The following CNTNAP5 variants were observed in gnomAD, a reference collection of about 807,000 sequenced individuals.
CNTNAP5 encodes the protein contactin-associated protein-like 5.
In CNTNAP5, 72 loss-of-function variants were observed where a neutral mutation model predicts 150.2. That is an observed-to-expected ratio of 0.48 (90% CI 0.40 to 0.58). CNTNAP5 has a LOEUF of 0.58. Among genes scored for constraint, CNTNAP5 ranks in the 20% least tolerant of loss-of-function variants. The probability of loss-of-function intolerance (pLI) is 0.00; values close to 1 mark genes in which losing one functional copy is unlikely to be tolerated. For synonymous variants in CNTNAP5, 672 were observed against 619.8 expected (o/e 1.08, Z -1.25); for missense variants, 1,636 against 1,626.2 (o/e 1.01, Z -0.10).
intron 3 of CNTNAP5, among the ~76,000 whole-genome samples, chr2:124,298,914 T>C (rs904800314): frequency 6.6e-6 from 1 of 152,192 alleles, no homozygotes; most frequent in African/African-American, 2.4e-5. Context: ...GACTGCTGAC[T>C]GTTCAGCCAT....
intron 1 of CNTNAP5, among the ~76,000 whole-genome samples, chr2:124,045,672 T>A (rs1347896852): frequency 6.6e-6 from 1 of 152,218 alleles, no homozygotes; most frequent in Non-Finnish European, 1.5e-5. Context: ...CCCTCCGATT[T>A]TAAAAATGCA....
rs892464506 is a variant in CNTNAP5 at position 124,445,379 on chromosome 2, T to A, written c.734-1374T>A. 3.3e-5 allele frequency among the ~76,000 whole-genome samples: 5 copies of A among 152,114 alleles called. No individual in the cohort carries two copies. In the South Asian group the frequency reaches 1.0e-3, roughly 32 times the overall value. On this transcript the variant is annotated intron_variant, in intron 5 of 23. Coordinates refer to ENST00000682447, the MANE Select transcript of CNTNAP5 (RefSeq NM_001367498.1). ...TCCCAAAGTGGTGGGATTACAGGCG[T>A]GAGCCACTGTACCCGGCTCATAATA...
intron 19 of CNTNAP5, among the ~76,000 whole-genome samples, chr2:124,854,950 T>A (rs887052792): frequency 1.3e-5 from 2 of 152,100 alleles, no homozygotes; most frequent in Admixed American, 1.3e-4. Flanking sequence ...GGCAAGTAGG[T>A]GTTTTCAGCT....
chr2:124,275,559 GC>G (rs150472022), intron 3 of CNTNAP5, among the ~76,000 whole-genome samples: 2,099 of 152,130 alleles, frequency 0.014, 37 homozygotes, highest in African/African-American at 0.042. Context: ...CCATCTTCTG[GC>G]TGTTGATGCC....
intron 3 of CNTNAP5, among the ~76,000 whole-genome samples, chr2:124,367,373 A>T (rs1690402628): frequency 6.6e-6 from 1 of 152,132 alleles, no homozygotes; most frequent in Admixed American, 6.5e-5. Flanking sequence ...GGAAGCAAAC[A>T]TTTCCTTCTT....
intron 19 of CNTNAP5, among the ~76,000 whole-genome samples, chr2:124,807,686 G>A (rs570842692): frequency 7.9e-5 from 12 of 152,084 alleles, no homozygotes; most frequent in East Asian, 7.7e-4. Flanking sequence ...GTTCTCTGAC[G>A]TTTCATGGTA....
intron 12 of CNTNAP5, among the ~76,000 whole-genome samples, chr2:124,636,640 C>CTGTGTG (rs374829931): frequency 2.0e-4 from 30 of 151,228 alleles, no homozygotes; most frequent in African/African-American, 7.1e-4. Flanking sequence ...CTCCTTAACT[C>CTGTGTG]TGTGTGTGTG....
Position 124,220,486 on chromosome 2 carries a change from G to A in CNTNAP5, c.83-1219G>A, listed in dbSNP as rs116085017. Among the ~76,000 whole-genome samples, 659 of 152,168 alleles carry A rather than the reference G, an allele frequency of 4.3e-3. 4 individuals carry two copies. The highest frequency in any genetic ancestry group is 0.015 in the African/African-American group (643 of 41,540). ...ATTCTCTGCTAGGGTCCCACAAAAT[G>A]TGTGTCACCCAATGGAAAATACAAA... On this transcript the variant is annotated intron_variant, in intron 1 of 23. Coordinates refer to ENST00000682447, the MANE Select transcript of CNTNAP5 (RefSeq NM_001367498.1).
rs78726637 is a variant in CNTNAP5 at position 124,522,816 on chromosome 2, G to A, written c.1328-1487G>A. 4.2e-3 allele frequency among the ~76,000 whole-genome samples: 642 copies of A among 152,182 alleles called. 5 individuals are homozygous for A. Among genetic ancestry groups the A allele is most frequent in the African/African-American group, 0.015 (618 of 41,500 alleles). ...AGGCTCTCTGTCTCCTGGAACCCTTGCTCCAAGAATTACAAACTCTTGCTC... is the reference window on the plus strand; with the variant it reads ...AGGCTCTCTGTCTCCTGGAACCCTTACTCCAAGAATTACAAACTCTTGCTC... On this transcript the variant is annotated intron_variant, in intron 8 of 23. Coordinates refer to ENST00000682447, the MANE Select transcript of CNTNAP5 (RefSeq NM_001367498.1).
chr2:124,572,311 G>A (rs1045410920), intron 11 of CNTNAP5, among the ~76,000 whole-genome samples: 2 of 152,074 alleles, frequency 1.3e-5, no homozygotes, highest in African/African-American at 4.8e-5. Flanking sequence ...GTCTACCTGA[G>A]GGTGGTGGGG....
chr2:124,506,869 A>G (rs907709748), intron 8 of CNTNAP5, among the ~76,000 whole-genome samples: 8 of 152,200 alleles, frequency 5.3e-5, no homozygotes, highest in Admixed American at 3.3e-4. Flanking sequence ...GCAAGGTTCA[A>G]TGGAGGAAGA....
rs182247889 is a variant in CNTNAP5 at position 124,512,122 on chromosome 2, T to G, written c.1327+7566T>G. On this transcript the variant is annotated intron_variant, in intron 8 of 23. Coordinates refer to ENST00000682447, the MANE Select transcript of CNTNAP5 (RefSeq NM_001367498.1). Reference sequence around the variant, plus strand: ...GAGACACAGCAAGGGTCTTTGGCTGTGGGACCGGCTTTCTTATAGCTAACG... The same window carrying G: ...GAGACACAGCAAGGGTCTTTGGCTGGGGGACCGGCTTTCTTATAGCTAACG... Among the ~76,000 whole-genome samples the G allele has an allele frequency of 4.5e-3, 681 of 151,948 alleles. 7 individuals carry two copies. Among genetic ancestry groups the G allele is most frequent in the African/African-American group, 0.016 (644 of 41,462 alleles).
intron 1 of CNTNAP5, among the ~76,000 whole-genome samples, chr2:124,217,660 T>C: frequency 6.6e-6 from 1 of 152,322 alleles, no homozygotes; most frequent in East Asian, 1.9e-4. Context: ...ATGAGCTATT[T>C]ATGATACCAA....
At chr2:124,176,940 G>A (rs919902694) in intron 1 of CNTNAP5, among the ~76,000 whole-genome samples, 4 of 148,288 alleles carry the variant, frequency 2.7e-5, no homozygotes, top group African/African-American at 1.0e-4. Flanking sequence ...TGCCTCCTGG[G>A]TTCAAGCAAT....
At chr2:124,814,242 TC>T (rs988838119) in intron 19 of CNTNAP5, among the ~76,000 whole-genome samples, 2 of 150,188 alleles carry the variant, frequency 1.3e-5, no homozygotes, top group African/African-American at 5.0e-5. Context: ...GCTCGAATCC[TC>T]TTTTTTTTTT....
At chr2:124,586,420 G>A (rs537464662) in intron 11 of CNTNAP5, among the ~76,000 whole-genome samples, 15 of 152,300 alleles carry the variant, frequency 9.8e-5, no homozygotes, top group Middle Eastern at 3.4e-3. Context: ...AGGAGCGGGT[G>A]CTGGCCTGCC....
chr2:124,790,527 A>G (rs1205298022), intron 18 of CNTNAP5, among the ~76,000 whole-genome samples: 1 of 152,192 alleles, frequency 6.6e-6, no homozygotes, highest in African/African-American at 2.4e-5. Context: ...CCTTAGAGAT[A>G]CTTAAGCCAT....
At chr2:124,357,166 T>C (rs1690035892) in intron 3 of CNTNAP5, among the ~76,000 whole-genome samples, 1 of 152,198 alleles carries the variant, frequency 6.6e-6, no homozygotes, top group Admixed American at 6.5e-5. Flanking sequence ...TGTTTTTTTC[T>C]TGTAAATTTG....
chr2:124,477,304 AAATAT>A (rs1363199174), intron 7 of CNTNAP5, among the ~76,000 whole-genome samples: 1 of 152,162 alleles, frequency 6.6e-6, no homozygotes, highest in African/African-American at 2.4e-5. Flanking sequence ...ATTCTTTGAT[AAATAT>A]AATCTATAAG....
Sources: allele counts gnomAD v4.1 joint callset (sites outside exome capture counted in the v4.1 genomes callset), GRCh38; gene constraint gnomAD v4.1.1; transcripts MANE v1.5; gene names NCBI Gene and HGNC (gene_info 2026-07-23, HGNC 2026-07-21).